Variants in HID1 observed in about 807,000 individuals in gnomAD.
The protein encoded by HID1 is HID1 domain containing, also known as protein HID1.
In HID1, 42 loss-of-function variants were observed where a neutral mutation model predicts 89.7. The observed-to-expected ratio is 0.47, with a 90% CI of 0.37 to 0.61. The LOEUF is 0.61. Ranked by LOEUF, HID1 falls within the 20% of genes least tolerant of loss-of-function variation. HID1 has a pLI of 0.00. For synonymous variants in HID1, 442 were observed against 433.8 expected, an observed-to-expected ratio of 1.02 and a Z score of -0.24; for missense variants, 854 against 1,039.3, an observed-to-expected ratio of 0.82 and a Z score of 2.45.
chr17:74,962,147 G>A lies in HID1; in HGVS notation c.611+87C>T, dbSNP rs1029829180. 1.6e-6 allele frequency: 2 copies of A among 1,236,278 alleles called. No homozygotes were observed. The highest frequency in any genetic ancestry group is 2.3e-6 in the Non-Finnish European group (2 of 874,194). 76.6% of individuals were successfully genotyped at this position (1,236,278 alleles called of 1,614,324 possible). A position where few individuals can be genotyped will look rare whatever the true frequency, so the allele number is the denominator to read the frequency against. On this transcript the variant is annotated intron_variant, in intron 5 of 18. Coordinates refer to ENST00000425042, the MANE Select transcript of HID1 (RefSeq NM_030630.3). This position sits in a 1 kb window ranked among gnomAD's most constrained non-coding sequence, Gnocchi z 4.3. ...GGTCATAGGTGAGGACGGTCTTCTG[G>A]GAAGACCCCATGGGCTTTCTGAGCT...
rs200857359 is a variant in HID1 at position 74,955,769 on chromosome 17, A to G, written c.1636+23T>C. ...AGGCCCGCTGGCCACCCTGACCACC[A>G]GGGCCTCAGGCTGGTGCCTCACCAT... On this transcript the variant is annotated intron_variant, in intron 13 of 18. Transcript: ENST00000425042. 5.9e-4 allele frequency: 953 copies of G among 1,611,380 alleles called. 5 individuals carry two copies. Among genetic ancestry groups the G allele is most frequent in the Middle Eastern group, 4.0e-3 (24 of 6,046 alleles).
In HID1 at chr17:74,953,083, G is replaced by A; in HGVS notation, c.1975C>T (p.Pro659Ser). ...CGCTGCTCCCTCCATGCCTGGCTGG[G>A]CTCCTGGCCCCCAGAAAGGAACAGG... ...LEDGSPAKGE[P>S]SQAWREQRRP... Residue 659 changes from proline (P) to serine (S), a missense_variant, in exon 16 of 19, where the codon CCC becomes TCC. Physicochemically the swap from Pro to Ser is moderately conservative, Grantham distance 74. Coordinates refer to ENST00000425042, the MANE Select transcript of HID1 (RefSeq NM_030630.3). The A allele has an allele frequency of 6.2e-7, 1 of 1,604,250 alleles. No individual in the cohort carries two copies. Among genetic ancestry groups the A allele is most frequent in the Non-Finnish European group, 8.5e-7 (1 of 1,176,614 alleles).
chr17:74,972,305 G>C lies in HID1; in HGVS notation c.66+286C>G, dbSNP rs997994200. Among the ~76,000 whole-genome samples the C allele has an allele frequency of 1.3e-5, 2 of 152,116 alleles. No individual in the cohort carries two copies. Among genetic ancestry groups the C allele is most frequent in the Admixed American group, 1.3e-4 (2 of 15,288 alleles). ...CGCGGGGCGGGACAGGGGGCGGACAGCTGTGTCGCCGGCTCGGGGAGTAGG... is the reference window on the plus strand; with the variant it reads ...CGCGGGGCGGGACAGGGGGCGGACACCTGTGTCGCCGGCTCGGGGAGTAGG... On this transcript the variant is annotated intron_variant, in intron 1 of 18. Coordinates refer to ENST00000425042, the MANE Select transcript of HID1 (RefSeq NM_030630.3). This position sits in a 1 kb window ranked among gnomAD's most constrained non-coding sequence, Gnocchi z 6.4.
At chr17:74,960,821 T>C (rs574235035) in intron 6 of HID1, among the ~76,000 whole-genome samples, 22 of 151,976 alleles carry the variant, frequency 1.4e-4, no homozygotes, top group African/African-American at 5.3e-4. Flanking sequence ...GGGACCAGAG[T>C]CTGGAAGGCG....
In HID1 at chr17:74,962,382, G is replaced by A; in HGVS notation, c.505-42C>T. On this transcript the variant is annotated intron_variant, in intron 4 of 18. Transcript: ENST00000425042. This position sits in a 1 kb window ranked among gnomAD's most constrained non-coding sequence, Gnocchi z 4.3. Reference sequence around the variant, plus strand: ...AAGAAGCCGGGTTAGGGGGTCGAGAGGTGAACAGCAGCCTGGGTCAGAACC... The same window carrying A: ...AAGAAGCCGGGTTAGGGGGTCGAGAAGTGAACAGCAGCCTGGGTCAGAACC... The A allele has an allele frequency of 7.1e-7, 1 of 1,405,086 alleles. No homozygotes were observed. Among genetic ancestry groups the A allele is most frequent in the Non-Finnish European group, 1.0e-6 (1 of 1,002,418 alleles). 87.0% of individuals were successfully genotyped at this position (1,405,086 alleles called of 1,614,324 possible).
chr17:74,961,272 TA>T (rs1427301174), intron 6 of HID1, among the ~76,000 whole-genome samples: 1 of 151,240 alleles, frequency 6.6e-6, no homozygotes, highest in African/African-American at 2.5e-5. Context: ...TGTATTTATT[TA>T]TTTTTTTTTT....
In HID1 at chr17:74,958,270, C is replaced by T. The variant is rs1248432209; in HGVS notation, c.1393-51G>A. 1 of 1,609,582 alleles carries T rather than the reference C, an allele frequency of 6.2e-7. No homozygotes were observed. Among genetic ancestry groups the T allele is most frequent in the Non-Finnish European group, 8.5e-7 (1 of 1,178,062 alleles). On this transcript the variant is annotated intron_variant, in intron 11 of 18. Coordinates refer to ENST00000425042, the MANE Select transcript of HID1 (RefSeq NM_030630.3). The surrounding 1 kb of genome is among the most constrained non-coding windows in gnomAD (Gnocchi z 5.2). ...GTGGGGTCCCCGCTGCCTCCAGACT[C>T]AGCCAAGAGGACACCACCCCTGCAC...
chr17:74,965,299 C>G (rs2039545462), intron 1 of HID1, among the ~76,000 whole-genome samples: 3 of 152,228 alleles, frequency 2.0e-5, no homozygotes, highest in South Asian at 4.1e-4. Context: ...AGGTGGCATC[C>G]TGCATGCACC....
chr17:74,972,735 G>C lies in HID1; in HGVS notation c.-79C>G, dbSNP rs1031129621. On this transcript the variant is annotated 5_prime_UTR_variant, in exon 1 of 19. Transcript: ENST00000425042. This position sits in a 1 kb window ranked among gnomAD's most constrained non-coding sequence, Gnocchi z 6.4. ...GCTTCAGCTCCGGCTCCAGCTCCGC[G>C]GCCCCCGCGGCTCTCGCAGGAGACA... 3 of 1,348,646 alleles carry C rather than the reference G, an allele frequency of 2.2e-6. No homozygotes were observed. The highest frequency in any genetic ancestry group is 3.1e-5 in the East Asian group (1 of 32,682). 83.5% of individuals were successfully genotyped at this position (1,348,646 alleles called of 1,614,324 possible).
intron 1 of HID1, among the ~76,000 whole-genome samples, chr17:74,967,192 G>A (rs4789117): frequency 0.94 from 143,122 of 151,694 alleles, 67,542 homozygotes; most frequent in East Asian, 1. Flanking sequence ...AGCCAAGATC[G>A]TGCCACTACA....
Position 74,958,861 on chromosome 17 carries a change from T to A in HID1, c.1149+50A>T. 1 of 1,580,818 alleles carries A rather than the reference T, an allele frequency of 6.3e-7. No individual in the cohort carries two copies. The highest frequency in any genetic ancestry group is 2.2e-5 in the East Asian group (1 of 44,564). ...GACACTGTCCCTGCCCCCGGGTTAT[T>A]GGGGCAGCTGCTCTCCATCTCCCTG... On this transcript the variant is annotated intron_variant, in intron 9 of 18. Transcript: ENST00000425042. This position sits in a 1 kb window ranked among gnomAD's most constrained non-coding sequence, Gnocchi z 5.2.
rs1325975609 is a variant in HID1 at position 74,972,232 on chromosome 17, T to A, written c.66+359A>T. Among the ~76,000 whole-genome samples, 1 of 13,142 alleles carries A rather than the reference T, an allele frequency of 7.6e-5. No homozygotes were observed. Among genetic ancestry groups the A allele is most frequent in the African/African-American group, 3.1e-4 (1 of 3,190 alleles). 8.6% of individuals were successfully genotyped at this position (13,142 alleles called of 152,430 possible). A position where few individuals can be genotyped will look rare whatever the true frequency, so the allele number is the denominator to read the frequency against. Reference sequence around the variant, plus strand: ...GGCAGGGAGGGGAGCGGACGGTGGATGGGTGGGTGGGGGCGGCGGGAGGCT... The same window carrying A: ...GGCAGGGAGGGGAGCGGACGGTGGAAGGGTGGGTGGGGGCGGCGGGAGGCT... On this transcript the variant is annotated intron_variant, in intron 1 of 18. Transcript: ENST00000425042. The surrounding 1 kb of genome is among the most constrained non-coding windows in gnomAD (Gnocchi z 6.4).
intron 1 of HID1, among the ~76,000 whole-genome samples, chr17:74,969,287 C>T (rs574145901): frequency 4.0e-5 from 6 of 151,864 alleles, no homozygotes; most frequent in Admixed American, 2.0e-4. Context: ...CTGTGCCTCC[C>T]GGGTTCACGC....
At position 74,959,352 on chromosome 17, in the gene HID1, A is replaced by C. The variant is rs555485886; in HGVS notation, c.1009-301T>G. On this transcript the variant is annotated intron_variant, in intron 8 of 18. Transcript: ENST00000425042. The surrounding 1 kb of genome is among the most constrained non-coding windows in gnomAD (Gnocchi z 4.6). ...TGAACTCCCACACATGCACACCCTC[A>C]ACCTTGTCCCTGCCCACCTTGGACT... Among the ~76,000 whole-genome samples, 58 of 151,784 alleles carry C rather than the reference A, an allele frequency of 3.8e-4. No homozygotes were observed. The highest frequency in any genetic ancestry group is 1.4e-3 in the African/African-American group (57 of 41,362).
At position 74,951,480 on chromosome 17, in the gene HID1, G is replaced by A; in HGVS notation, c.*90C>T. 1 of 1,278,828 alleles carries A rather than the reference G, an allele frequency of 7.8e-7. No individual in the cohort carries two copies. The highest frequency in any genetic ancestry group is 1.3e-5 in the South Asian group (1 of 78,818). 79.2% of individuals were successfully genotyped at this position (1,278,828 alleles called of 1,614,324 possible). A position where few individuals can be genotyped will look rare whatever the true frequency, so the allele number is the denominator to read the frequency against. On this transcript the variant is annotated 3_prime_UTR_variant, in exon 19 of 19. Coordinates refer to ENST00000425042, the MANE Select transcript of HID1 (RefSeq NM_030630.3). ...CTGCCTGTTCCAGGCCCTGATCGTG[G>A]TAATTTAAAGCTCAGAATGGTGGAT...
Position 74,959,836 on chromosome 17 carries a change from G to A in HID1, c.1008+45C>T. The stretch of plus-strand genomic sequence containing the variant: ...GATCCCCCATATCCCTGTCTCACTT[G>A]CATCCCCCTGCACCCTGCAAAGCCA... On this transcript the variant is annotated intron_variant, in intron 8 of 18. Coordinates refer to ENST00000425042, the MANE Select transcript of HID1 (RefSeq NM_030630.3). This position sits in a 1 kb window ranked among gnomAD's most constrained non-coding sequence, Gnocchi z 4.6. The A allele has an allele frequency of 6.3e-7, 1 of 1,594,700 alleles. No individual in the cohort carries two copies. The highest frequency in any genetic ancestry group is 8.6e-7 in the Non-Finnish European group (1 of 1,163,356).
At chr17:74,971,860 G>A (rs1393979014) in intron 1 of HID1, among the ~76,000 whole-genome samples, 1 of 152,208 alleles carries the variant, frequency 6.6e-6, no homozygotes, top group Admixed American at 6.5e-5. Context: ...CCAGCTGACT[G>A]AGGGCCATCC....
In HID1 at chr17:74,954,263, C is replaced by T. The variant is rs752120081; in HGVS notation, c.1739G>A (p.Arg580Gln). ...CAAGGGCTCAGGTGTCCGCCGGCGC[C>T]GCTGCAGGGCCTTGTGAATGGTGGG... The part of the protein sequence containing the change: ...DPPTIHKALQ[R>Q]RRRTPEPLSR... Residue 580 changes from arginine to glutamine, a missense_variant, in exon 14 of 19, where the codon CGG becomes CAG. Coordinates refer to ENST00000425042, the MANE Select transcript of HID1 (RefSeq NM_030630.3). 19 of 1,587,160 alleles carry T rather than the reference C, an allele frequency of 1.2e-5. No homozygotes were observed. Among genetic ancestry groups the T allele is most frequent in the East Asian group, 4.6e-5 (2 of 43,744 alleles).
chr17:74,955,739 G>GCCCTCCTT, intron 13 of HID1, 53 bp downstream of exon 13: 1 of 1,567,986 alleles, frequency 6.4e-7, no homozygotes, highest in Non-Finnish European at 8.7e-7. Context: ...CCTTATGTAG[G>GCCCTCCTT]AAGTAGGCCC....
Sources: gnomAD v4.1 joint callset for allele counts (sites outside exome capture counted in the v4.1 genomes callset) on GRCh38, gnomAD v4.1.1 for gene constraint, Gnocchi (gnomAD v3.1) non-coding constraint, MANE v1.5 for transcripts, NCBI Gene and HGNC (gene_info 2026-07-23, HGNC 2026-07-21) for gene names.